DGKE: variants seen among roughly 807,000 people sequenced by gnomAD.
The protein encoded by DGKE is DAG kinase epsilon.
Under a neutral mutation model 70.0 loss-of-function variants are expected in DGKE, and 53 were observed. The observed-to-expected ratio is 0.76, with a 90% confidence interval of 0.61 to 0.95. DGKE has a LOEUF of 0.95. Among genes scored for constraint, DGKE ranks in the 40% least tolerant of loss-of-function variants. DGKE has a pLI of 0.00. For synonymous variants in DGKE, 291 were observed against 257.0 expected (o/e 1.13, Z -1.27); for missense variants, 655 against 706.9 (o/e 0.93, Z 0.83).
At position 56,849,345 on chromosome 17, in the gene DGKE, G is replaced by A. The variant is rs530387432; in HGVS notation, c.1098+113G>A. ...TTATCTCAAGGGAGCTGGCTGTGGA[G>A]CAGAACAGAAGCTTATATGCTTACC... On this transcript the variant is annotated intron_variant, in intron 7 of 11. Coordinates refer to ENST00000284061, the MANE Select transcript of DGKE (RefSeq NM_003647.3). 3.6e-5 allele frequency: 34 copies of A among 939,652 alleles called. No homozygotes were observed. The African/African-American group carries it at 5.0e-4, about 14-fold the overall frequency. The allele number at this position is 939,652 out of a possible 1,614,324, so 58.2% of individuals were successfully genotyped here.
At chr17:56,840,544 T>A (rs909918768) in intron 2 of DGKE, among the ~76,000 whole-genome samples, 1 of 152,194 alleles carries the variant, frequency 6.6e-6, no homozygotes, top group Non-Finnish European at 1.5e-5. Context: ...CCTGGCCAAT[T>A]ATTTTTTATA....
At chr17:56,845,444 C>T (rs961831027) in intron 3 of DGKE, among the ~76,000 whole-genome samples, 11 of 152,002 alleles carry the variant, frequency 7.2e-5, no homozygotes, top group African/African-American at 2.4e-4. Flanking sequence ...TGTGAGTGTG[C>T]GAGCATATGC....
At chr17:56,843,815 G>A (rs1168693475) in intron 2 of DGKE, among the ~76,000 whole-genome samples, 47 of 67,532 alleles carry the variant, frequency 7.0e-4, no homozygotes, top group East Asian at 1.3e-3. Flanking sequence ...AAAAAAAAAA[G>A]TGCTGTTAGA....
rs1334275364 is a variant in DGKE, at chr17:56,848,083, C to T, written c.888+18C>T. ...AGATTAAGGTATTAGTCTTTAAGAA[C>T]TACTACAGAAGGACTTCTAAGATAA... On this transcript the variant is annotated intron_variant, in intron 5 of 11. Transcript: ENST00000284061. The T allele has an allele frequency of 1.1e-5, 16 of 1,474,956 alleles. No homozygotes were observed. Among genetic ancestry groups the T allele is most frequent in the Non-Finnish European group, 1.4e-5 (16 of 1,109,544 alleles). The allele number at this position is 1,474,956 out of a possible 1,614,324, so 91.4% of individuals were successfully genotyped here.
chr17:56,865,457 G>C lies in DGKE; in HGVS notation c.*2666G>C, dbSNP rs1908492021. 1 of 152,026 alleles carries C rather than the reference G, an allele frequency of 6.6e-6. No homozygotes were observed. The highest frequency in any genetic ancestry group is 1.5e-5 in the Non-Finnish European group (1 of 67,986). The allele number at this position is 152,026 out of a possible 1,614,324, so 9.4% of individuals were successfully genotyped here. On this transcript the variant is annotated 3_prime_UTR_variant, in exon 12 of 12. Transcript: ENST00000284061. ...GCTCTTAAAGATCCCTTAGGCAGAT[G>C]ATGATAATTTTCAGTGTTTCGTCAT... is the stretch of plus-strand genomic sequence containing the variant.
In DGKE at chr17:56,862,309, A is replaced by G. The variant is rs1425241690; in HGVS notation, c.1524+58A>G. On this transcript the variant is annotated intron_variant, in intron 11 of 11. Transcript: ENST00000284061. The stretch of plus-strand genomic sequence containing the variant: ...GTCCCAATCCAATTCTAAGCTGTTG[A>G]TATGTAAAATATACATGCTATACTT... 2.1e-6 allele frequency: 3 copies of G among 1,443,944 alleles called. No homozygotes were observed. The Admixed American group carries it at 5.3e-5, about 25-fold the overall frequency. The allele number at this position is 1,443,944 out of a possible 1,614,324, so 89.4% of individuals were successfully genotyped here.
At chr17:56,845,835 A>G (rs1475538116) in intron 4 of DGKE, 26 bp downstream of exon 4, 3 of 1,560,902 alleles carry the variant, frequency 1.9e-6, no homozygotes, top group East Asian at 2.3e-5. Flanking sequence ...AACTTTTTAT[A>G]TTAATGTTTT....
chr17:56,844,313 A>G, intron 3 of DGKE, 135 bp downstream of exon 3: 1 of 574,978 alleles, frequency 1.7e-6, no homozygotes, highest in East Asian at 3.7e-5. Context: ...ATCAAGACCA[A>G]GGAGAGAAAT....
intron 2 of DGKE, among the ~76,000 whole-genome samples, chr17:56,841,220 C>T (rs1447629900): frequency 7.2e-6 from 1 of 138,260 alleles, no homozygotes; most frequent in Admixed American, 7.8e-5. Context: ...CACTGCACTC[C>T]AAGCCTAGGC....
chr17:56,852,874 G>A (rs9907968), intron 7 of DGKE, among the ~76,000 whole-genome samples: 107,948 of 152,084 alleles, frequency 0.71, 38,715 homozygotes, highest in East Asian at 0.91. Context: ...AATGGGACCA[G>A]AAGTATTTCA....
intron 4 of DGKE, among the ~76,000 whole-genome samples, chr17:56,846,798 A>G (rs1598028613): frequency 1.3e-5 from 2 of 152,200 alleles, no homozygotes; most frequent in African/African-American, 2.4e-5. Flanking sequence ...CCATACAAAT[A>G]CATCAGTTCT....
intron 9 of DGKE, 61 bp from the exon 10 acceptor site, chr17:56,861,730 A>G: frequency 6.3e-7 from 1 of 1,592,318 alleles, no homozygotes; most frequent in East Asian, 2.3e-5. Context: ...TGTGAATTCT[A>G]AATGGATGTG....
chr17:56,835,452 T>G, intron 2 of DGKE, 193 bp downstream of exon 2: 1 of 619,354 alleles, frequency 1.6e-6, no homozygotes. Context: ...AGACGATGCA[T>G]CCAGCCTCCA....
chr17:56,843,625 C>G (rs983835455), intron 2 of DGKE, among the ~76,000 whole-genome samples: 3 of 151,910 alleles, frequency 2.0e-5, no homozygotes, highest in African/African-American at 7.3e-5. Flanking sequence ...TAGTGAAACC[C>G]CATCTCTACT....
chr17:56,857,231 A>G (rs1326551136), intron 8 of DGKE, among the ~76,000 whole-genome samples: 1 of 152,236 alleles, frequency 6.6e-6, no homozygotes, highest in African/African-American at 2.4e-5. Context: ...TTTATCTTAA[A>G]TGGCAGCTAA....
Position 56,862,810 on chromosome 17 carries a change from A to G in DGKE, c.*19A>G, listed in dbSNP as rs1053908519. Reference sequence around the variant, plus strand: ...TGAATAGATGGATGAGGGAGTGAAAACTTTGCATAGAATCCTCACGCAAGT... The same window carrying G: ...TGAATAGATGGATGAGGGAGTGAAAGCTTTGCATAGAATCCTCACGCAAGT... On this transcript the variant is annotated 3_prime_UTR_variant, in exon 12 of 12. Coordinates refer to ENST00000284061, the MANE Select transcript of DGKE (RefSeq NM_003647.3). 1.3e-6 allele frequency: 2 copies of G among 1,513,966 alleles called. No individual in the cohort carries two copies. The highest frequency in any genetic ancestry group is 1.8e-4 in the Middle Eastern group (1 of 5,536). The allele number at this position is 1,513,966 out of a possible 1,614,324, so 93.8% of individuals were successfully genotyped here. A position where few individuals can be genotyped will look rare whatever the true frequency, so the allele number is the denominator to read the frequency against.
chr17:56,835,727 C>T (rs1397079764), intron 2 of DGKE: 2 of 183,270 alleles, frequency 1.1e-5, no homozygotes, highest in East Asian at 1.4e-4. Context: ...ATGTCTTTTG[C>T]TAATATAGCT....
At chr17:56,845,880 C>T (rs997145406) in intron 4 of DGKE, 71 bp downstream of exon 4, 9 of 1,407,582 alleles carry the variant, frequency 6.4e-6, no homozygotes, top group Middle Eastern at 2.5e-4. Flanking sequence ...ATTAATGCTT[C>T]AAGTCACTAA....
intron 9 of DGKE, among the ~76,000 whole-genome samples, chr17:56,859,290 A>C (rs1908141902): frequency 6.6e-6 from 1 of 151,604 alleles, no homozygotes. Flanking sequence ...GCGACGCTGC[A>C]TTCCAGCCTG....
Sources: gnomAD v4.1 joint callset for allele counts (sites outside exome capture counted in the v4.1 genomes callset) on GRCh38, gnomAD v4.1.1 for gene constraint, MANE v1.5 for transcripts, NCBI Gene and HGNC (gene_info 2026-07-23, HGNC 2026-07-21) for gene names.